Variants in GLYATL2 observed in about 807,000 individuals in gnomAD.
GLYATL2 encodes glycine-N-acyltransferase like 2, also known as glycine N-acyltransferase-like protein 2.
Under a neutral mutation model 21.4 loss-of-function variants are expected in GLYATL2, and 25 were observed. The observed-to-expected ratio is 1.17, with a 90% CI of 0.85 to 1.63. GLYATL2 has a LOEUF of 1.63. GLYATL2 is among the 40% of genes most tolerant of loss of function. The pLI, the probability that GLYATL2 is intolerant of heterozygous loss-of-function variation, is 0.00. For synonymous variants in GLYATL2, 114 were observed against 118.2 expected (o/e 0.96, Z 0.23); for missense variants, 361 against 343.3 (o/e 1.05, Z -0.41).
intron 1 of GLYATL2, among the ~76,000 whole-genome samples, chr11:58,896,055 C>A (rs567594368): frequency 6.6e-6 from 1 of 152,202 alleles, no homozygotes; most frequent in Non-Finnish European, 1.5e-5. Context: ...TGGGGTTTCA[C>A]CAACTTGGCC....
chr11:58,898,302 C>T (rs1454950803), intron 1 of GLYATL2, among the ~76,000 whole-genome samples: 1 of 152,148 alleles, frequency 6.6e-6, no homozygotes. Context: ...CCCCCTGAGA[C>T]CAATCTCTGG....
At chr11:58,857,926 A>G (rs1414004866) in intron 1 of GLYATL2, among the ~76,000 whole-genome samples, 1 of 151,852 alleles carries the variant, frequency 6.6e-6, no homozygotes, top group African/African-American at 2.4e-5. Flanking sequence ...AGCAAAACAA[A>G]CAAACAAAAA....
intron 1 of GLYATL2, among the ~76,000 whole-genome samples, chr11:58,877,283 G>A (rs978961510): frequency 1.3e-5 from 2 of 152,190 alleles, no homozygotes; most frequent in Non-Finnish European, 2.9e-5. Context: ...ATGGTGTGCT[G>A]CACCCGCTAT....
At chr11:58,872,969 G>T (rs1266238368) in intron 1 of GLYATL2, among the ~76,000 whole-genome samples, 1 of 152,134 alleles carries the variant, frequency 6.6e-6, no homozygotes, top group African/African-American at 2.4e-5. Flanking sequence ...CTTGAGCAGT[G>T]GTTTGTAGTT....
At chr11:58,856,152 A>G (rs1366580835) in intron 1 of GLYATL2, among the ~76,000 whole-genome samples, 1 of 152,132 alleles carries the variant, frequency 6.6e-6, no homozygotes, top group Non-Finnish European at 1.5e-5. Context: ...AAAAAAGAAA[A>G]AGAAAATGGC....
chr11:58,857,176 C>T (rs1475144365), intron 1 of GLYATL2, among the ~76,000 whole-genome samples: 1 of 152,206 alleles, frequency 6.6e-6, no homozygotes, highest in East Asian at 1.9e-4. Flanking sequence ...ACATCCTCTC[C>T]AACAGTTATC....
intron 1 of GLYATL2, among the ~76,000 whole-genome samples, chr11:58,875,110 A>G (rs577245496): frequency 1.6e-4 from 24 of 151,940 alleles, no homozygotes; most frequent in Non-Finnish European, 3.2e-4. Context: ...TAGGATTACA[A>G]CCCTTGCCTT....
At chr11:58,908,194 A>G (rs1854952925), upstream of GLYATL2, 1 of 152,176 alleles carries the variant, frequency 6.6e-6, no homozygotes, top group Non-Finnish European at 1.5e-5. Flanking sequence ...ACTCAGGGAA[A>G]CTGCCAGGTT....
At chr11:58,862,322 G>A (rs1360584948) in intron 1 of GLYATL2, among the ~76,000 whole-genome samples, 1 of 152,028 alleles carries the variant, frequency 6.6e-6, no homozygotes, top group Non-Finnish European at 1.5e-5. Flanking sequence ...CACTTTTAAT[G>A]TTCCTATACC....
chr11:58,907,679 G>T, upstream of GLYATL2: 1 of 193,016 alleles, frequency 5.2e-6, no homozygotes, highest in East Asian at 1.3e-4. Flanking sequence ...AATACTTCCT[G>T]ATTTTTGACT....
At chr11:58,896,258 C>T (rs1374972500) in intron 1 of GLYATL2, among the ~76,000 whole-genome samples, 3 of 152,156 alleles carry the variant, frequency 2.0e-5, no homozygotes, top group Middle Eastern at 6.3e-3. Flanking sequence ...CCAGCCTCTT[C>T]ATGCATCACC....
rs373873868 is a variant in GLYATL2 at position 58,838,368 on chromosome 11, C to T, written c.79G>A (p.Val27Ile). ...TTTATGTTGAAAATGGCGCCATATA[C>T]CTACGATGCAACAGAACAAAGCAGG... is the stretch of plus-strand genomic sequence containing the variant. ...LEKSIPESIK[V>I]YGAIFNIKDK... Residue 27 changes from valine (V) to isoleucine (I), a missense_variant and splice_region_variant, in exon 3 of 6, where the codon GTA (valine) becomes ATA (isoleucine). By Grantham distance (29) the Val-to-Ile change is conservative. Coordinates refer to ENST00000287275, the MANE Select transcript of GLYATL2 (RefSeq NM_145016.4). 104 of 1,593,602 alleles carry T rather than the reference C, an allele frequency of 6.5e-5. 1 individual carries two copies. The highest frequency in any genetic ancestry group is 3.0e-4 in the South Asian group (27 of 90,584).
At chr11:58,865,918 G>A (rs1308500302) in intron 1 of GLYATL2, among the ~76,000 whole-genome samples, 1 of 148,906 alleles carries the variant, frequency 6.7e-6, no homozygotes, top group African/African-American at 2.4e-5. Context: ...TATAGCCAAA[G>A]TTTCTGATTT....
chr11:58,840,982 A>G (rs1345285202), intron 1 of GLYATL2, among the ~76,000 whole-genome samples: 1 of 151,936 alleles, frequency 6.6e-6, no homozygotes, highest in Non-Finnish European at 1.5e-5. Context: ...GAAACAAAGT[A>G]GTATATAAAT....
chr11:58,860,913 C>A (rs140320925), intron 1 of GLYATL2, among the ~76,000 whole-genome samples: 1 of 151,970 alleles, frequency 6.6e-6, no homozygotes, highest in Non-Finnish European at 1.5e-5. Context: ...TAGAACTGTA[C>A]GTTGAACTAT....
upstream of GLYATL2, among the ~76,000 whole-genome samples, chr11:58,846,828 G>C (rs1317210170): frequency 6.6e-6 from 1 of 152,082 alleles, no homozygotes; most frequent in Non-Finnish European, 1.5e-5. Context: ...GGACTGGGGG[G>C]ACACTTGACA....
At position 58,889,842 on chromosome 11, in the gene GLYATL2, G is replaced by A. The variant is rs550754587; in HGVS notation, n.60+14314C>T. Among the ~76,000 whole-genome samples the A allele has an allele frequency of 5.5e-3, 834 of 152,234 alleles. 4 individuals carry two copies. The highest frequency in any genetic ancestry group is 0.014 in the South Asian group (67 of 4,828). ...ATTTCCTTGCCAGATTTGGCATTAG[G>A]AGCTTTTCATCTGTTACCAAAGTCT... On this transcript the variant is annotated intron_variant and non_coding_transcript_variant, in intron 1 of 4. Coordinates refer to the GLYATL2 transcript ENST00000533636.
chr11:58,858,607 C>A (rs1441954747), intron 1 of GLYATL2, among the ~76,000 whole-genome samples: 3 of 152,090 alleles, frequency 2.0e-5, no homozygotes, highest in Non-Finnish European at 4.4e-5. Flanking sequence ...TGATCTGAAG[C>A]AATGTGGCTG....
chr11:58,868,692 C>G (rs2134600584), intron 1 of GLYATL2, among the ~76,000 whole-genome samples: 1 of 149,180 alleles, frequency 6.7e-6, no homozygotes, highest in East Asian at 2.2e-4. Flanking sequence ...TCAAAGCCCT[C>G]CTAAGCAGCT....
Sources: gnomAD v4.1 joint callset for allele counts (sites outside exome capture counted in the v4.1 genomes callset) on GRCh38, gnomAD v4.1.1 for gene constraint, MANE v1.5 for transcripts, NCBI Gene and HGNC (gene_info 2026-07-23, HGNC 2026-07-21) for gene names.